The following FAM110B variants were observed in gnomAD, a reference collection of about 807,000 sequenced individuals.
FAM110B encodes protein FAM110B.
FAM110B carries 6 observed loss-of-function variants against 20.4 expected under a neutral mutation model. The observed-to-expected ratio is 0.29, with a 90% CI of 0.16 to 0.58. FAM110B has a LOEUF of 0.58. FAM110B is among the 20% of genes least tolerant of loss of function. The pLI, the probability that FAM110B is intolerant of heterozygous loss-of-function variation, is 0.90. For synonymous variants in FAM110B, 226 were observed against 214.1 expected, an observed-to-expected ratio of 1.06 and a Z score of -0.49; for missense variants, 434 against 498.2, an observed-to-expected ratio of 0.87 and a Z score of 1.23.
At chr8:58,030,071 C>G (rs530916463) in intron 1 of FAM110B, among the ~76,000 whole-genome samples, 4 of 152,106 alleles carry the variant, frequency 2.6e-5, no homozygotes, top group Admixed American at 6.5e-5. Context: ...AAATACAGAA[C>G]CTTTTGCTTT....
intron 2 of FAM110B, among the ~76,000 whole-genome samples, chr8:58,049,770 T>C (rs1161247391): frequency 6.6e-6 from 1 of 152,210 alleles, no homozygotes; most frequent in African/African-American, 2.4e-5. Flanking sequence ...TATTTCAGAA[T>C]ATTTATATTT....
At position 57,999,333 on chromosome 8, in the gene FAM110B, T is replaced by C. The variant is rs145533833; in HGVS notation, c.-512+4527T>C. Among the ~76,000 whole-genome samples the C allele has an allele frequency of 7.1e-3, 1,076 of 152,330 alleles. 14 individuals carry two copies. The highest frequency in any genetic ancestry group is 0.025 in the African/African-American group (1,023 of 41,576). On this transcript the variant is annotated intron_variant, in intron 1 of 3. Transcript: ENST00000519262. Reference sequence around the variant, plus strand: ...GGGCAAGATCAATGGGTTTTGAAATTGTCCAGTTCCAGATGAGGCTTTTAA... The same window carrying C: ...GGGCAAGATCAATGGGTTTTGAAATCGTCCAGTTCCAGATGAGGCTTTTAA...
chr8:58,065,167 G>A (rs900089251), intron 2 of FAM110B, among the ~76,000 whole-genome samples: 21 of 152,082 alleles, frequency 1.4e-4, no homozygotes, highest in East Asian at 3.9e-4. Context: ...TGCTTTACCC[G>A]TGCAAAATTA....
chr8:58,148,253 A>G lies in FAM110B; in HGVS notation c.*910A>G, dbSNP rs1803918084. 1 of 159,648 alleles carries G rather than the reference A, an allele frequency of 6.3e-6. No homozygotes were observed. Among genetic ancestry groups the G allele is most frequent in the African/African-American group, 2.6e-5 (1 of 38,464 alleles). 9.9% of individuals were successfully genotyped at this position (159,648 alleles called of 1,614,324 possible). On this transcript the variant is annotated 3_prime_UTR_variant, in exon 4 of 4. Transcript: ENST00000519262. Reference sequence around the variant, plus strand: ...CTTTGTTGTTATTTGATTTGGGGGAAGGGAGTGAGGCTTGTGCAGATTTGA... The same window carrying G: ...CTTTGTTGTTATTTGATTTGGGGGAGGGGAGTGAGGCTTGTGCAGATTTGA...
intron 2 of FAM110B, among the ~76,000 whole-genome samples, chr8:58,070,653 A>G (rs1805878093): frequency 6.6e-6 from 1 of 152,196 alleles, no homozygotes; most frequent in Admixed American, 6.5e-5. Flanking sequence ...CTGTTTTGGA[A>G]TGCCCAATGT....
intron 1 of FAM110B, among the ~76,000 whole-genome samples, chr8:58,028,071 G>A (rs1461073582): frequency 6.6e-6 from 1 of 152,166 alleles, no homozygotes; most frequent in Non-Finnish European, 1.5e-5. Flanking sequence ...AATCATTGTA[G>A]GAGAACCAAG....
intron 3 of FAM110B, among the ~76,000 whole-genome samples, chr8:58,078,459 C>T (rs1471378877): frequency 6.7e-6 from 1 of 150,062 alleles, no homozygotes; most frequent in African/African-American, 2.5e-5. Flanking sequence ...TTTTTTGTTT[C>T]TTGTTATCTT....
chr8:58,114,568 C>T (rs896028898), intron 3 of FAM110B, among the ~76,000 whole-genome samples: 6 of 152,294 alleles, frequency 3.9e-5, no homozygotes, highest in African/African-American at 1.4e-4. Flanking sequence ...TGTATTCAAA[C>T]ACTGACAGGC....
At chr8:58,133,134 AT>A (rs1388219179) in intron 3 of FAM110B, among the ~76,000 whole-genome samples, 1 of 151,874 alleles carries the variant, frequency 6.6e-6, no homozygotes, top group Non-Finnish European at 1.5e-5. Flanking sequence ...TAAAGTATTG[AT>A]CAGATTACTT....
At chr8:58,134,898 G>A (rs192898332) in intron 3 of FAM110B, among the ~76,000 whole-genome samples, 50 of 151,854 alleles carry the variant, frequency 3.3e-4, no homozygotes, top group Middle Eastern at 6.8e-3. Flanking sequence ...GCTTTTTTTC[G>A]TCCTTCACCC....
chr8:58,139,631 G>A (rs1585919367), intron 3 of FAM110B, among the ~76,000 whole-genome samples: 1 of 152,176 alleles, frequency 6.6e-6, no homozygotes, highest in African/African-American at 2.4e-5. Context: ...AGAAGGAAAA[G>A]GGAAGATGTT....
chr8:58,002,369 G>C (rs1352328249), intron 1 of FAM110B, among the ~76,000 whole-genome samples: 3 of 152,236 alleles, frequency 2.0e-5, no homozygotes, highest in Admixed American at 2.0e-4. Context: ...GACTCCAAGA[G>C]TGTTAACACC....
At chr8:58,064,355 A>T (rs1805718991) in intron 2 of FAM110B, among the ~76,000 whole-genome samples, 1 of 152,102 alleles carries the variant, frequency 6.6e-6, no homozygotes, top group South Asian at 2.1e-4. Context: ...CCTTAGAATG[A>T]TATTTCCAAA....
At chr8:58,124,902 C>T (rs1051868638) in intron 3 of FAM110B, among the ~76,000 whole-genome samples, 11 of 152,030 alleles carry the variant, frequency 7.2e-5, no homozygotes, top group Admixed American at 1.3e-4. Flanking sequence ...TTTGGTAGAC[C>T]GCAACGTCAA....
intron 1 of FAM110B, among the ~76,000 whole-genome samples, chr8:58,024,228 CCAA>C (rs987083255): frequency 6.9e-6 from 1 of 143,972 alleles, no homozygotes; most frequent in Non-Finnish European, 1.5e-5. Flanking sequence ...TCAACTCGGT[CCAA>C]ATAAAAATAA....
intron 3 of FAM110B, among the ~76,000 whole-genome samples, chr8:58,126,186 A>G (rs1350294728): frequency 6.6e-6 from 1 of 152,196 alleles, no homozygotes; most frequent in Non-Finnish European, 1.5e-5. Context: ...TTTTTCATGC[A>G]GCTGTTCCTC....
chr8:58,129,139 A>G (rs910418569), intron 3 of FAM110B, among the ~76,000 whole-genome samples: 1 of 152,204 alleles, frequency 6.6e-6, no homozygotes, highest in Admixed American at 6.5e-5. Context: ...AGTCAATAAG[A>G]AAGAAGAATG....
intron 1 of FAM110B, among the ~76,000 whole-genome samples, chr8:57,995,067 C>T (rs1224778554): frequency 6.6e-6 from 1 of 152,110 alleles, no homozygotes; most frequent in Non-Finnish European, 1.5e-5. Flanking sequence ...GCCCCGCGCC[C>T]CCTCTGCGCT....
intron 3 of FAM110B, among the ~76,000 whole-genome samples, chr8:58,118,073 C>G (rs553025777): frequency 2.0e-5 from 3 of 152,160 alleles, no homozygotes; most frequent in Non-Finnish European, 4.4e-5. Context: ...TCACAAATGT[C>G]ATTAGCTTTA....
Sources: allele counts gnomAD v4.1 joint callset (sites outside exome capture counted in the v4.1 genomes callset), GRCh38; gene constraint gnomAD v4.1.1; transcripts MANE v1.5; gene names NCBI Gene and HGNC (gene_info 2026-07-23, HGNC 2026-07-21).